NAALADL2: variants seen among roughly 807,000 people sequenced by gnomAD.
NAALADL2 encodes inactive N-acetylated-alpha-linked acidic dipeptidase-like protein 2.
In NAALADL2, 76 loss-of-function variants were observed where a neutral mutation model predicts 87.2. The ratio of observed to expected loss-of-function variants is 0.87; its 90% CI spans 0.72 to 1.05. The LOEUF is 1.05. Ranked by LOEUF, NAALADL2 falls within the 50% of genes least tolerant of loss-of-function variation. The pLI is 0.00. For missense variants in NAALADL2, 1,089 were observed against 945.8 expected (o/e 1.15, Z -1.99); for synonymous variants, 354 against 331.0 (o/e 1.07, Z -0.75).
At chr3:174,870,827 TTATTCACAGTCCC>T in intron 1 of NAALADL2, among the ~76,000 whole-genome samples, 1 of 152,292 alleles carries the variant, frequency 6.6e-6, no homozygotes, top group Admixed American at 6.5e-5. Flanking sequence ...AAATAATATT[TTATTCACAGTCCC>T]TTTTATAGCT....
intron 1 of NAALADL2, among the ~76,000 whole-genome samples, chr3:174,497,445 A>G (rs2108361664): frequency 1.3e-5 from 2 of 150,364 alleles, no homozygotes; most frequent in African/African-American, 4.9e-5. Flanking sequence ...CCTGGGCAAC[A>G]TAGCAAGATA....
At chr3:174,711,117 G>A (rs1285781408) in intron 2 of NAALADL2, among the ~76,000 whole-genome samples, 1 of 152,106 alleles carries the variant, frequency 6.6e-6, no homozygotes, top group African/African-American at 2.4e-5. Flanking sequence ...GGGAAAACTG[G>A]CTGTAGGAAC....
At chr3:175,021,091 G>C (rs2108862803) in intron 1 of NAALADL2, among the ~76,000 whole-genome samples, 1 of 152,124 alleles carries the variant, frequency 6.6e-6, no homozygotes. Context: ...GATTATTGGT[G>C]GGAGGATGGT....
At chr3:175,788,026 C>G (rs867072831) in intron 13 of NAALADL2, among the ~76,000 whole-genome samples, 2 of 150,964 alleles carry the variant, frequency 1.3e-5, no homozygotes, top group African/African-American at 4.9e-5. Context: ...AACAGAGAAA[C>G]TTCCAGTCCT....
chr3:175,798,070 A>G (rs1753723431), intron 13 of NAALADL2, among the ~76,000 whole-genome samples: 2 of 152,200 alleles, frequency 1.3e-5, no homozygotes, highest in South Asian at 4.1e-4. Flanking sequence ...TTATGTAAGC[A>G]GGAAGCTAAG....
chr3:175,801,747 G>A lies in NAALADL2; in HGVS notation c.2190-1258G>A, dbSNP rs960250037. ...CTGTTTGCCTCCCTTATTAGACCAC[G>A]AGATTTCAGCTAGTTTGGGTTCGAA... is the stretch of plus-strand genomic sequence containing the variant. On this transcript the variant is annotated intron_variant, in intron 13 of 13. Transcript: ENST00000454872. Among the ~76,000 whole-genome samples the A allele has an allele frequency of 6.6e-5, 10 of 152,016 alleles. No individual in the cohort carries two copies. In the East Asian group the frequency reaches 7.7e-4, roughly 12 times the overall value.
rs574754863 is a variant in NAALADL2, at chr3:174,794,946, T to C, written c.-9+57200T>C. ...ATCAAGTTTTTATGACACTAAAGGGTGTGTTTAATTTAAAAGTTGAAACTT... is the reference window on the plus strand; with the variant it reads ...ATCAAGTTTTTATGACACTAAAGGGCGTGTTTAATTTAAAAGTTGAAACTT... On this transcript the variant is annotated intron_variant, in intron 3 of 3. Transcript: ENST00000434257. Among the ~76,000 whole-genome samples, 6 of 149,934 alleles carry C rather than the reference T, an allele frequency of 4.0e-5. No homozygotes were observed. The South Asian group carries it at 1.3e-3, about 32-fold the overall frequency.
At chr3:175,289,094 GTTATC>G (rs771964096) in intron 4 of NAALADL2, among the ~76,000 whole-genome samples, 3 of 151,808 alleles carry the variant, frequency 2.0e-5, no homozygotes, top group African/African-American at 4.8e-5. Context: ...AATTTGAGCT[GTTATC>G]TTAAATATTA....
chr3:175,091,766 G>A (rs940810278), intron 1 of NAALADL2, among the ~76,000 whole-genome samples: 37 of 152,010 alleles, frequency 2.4e-4, no homozygotes, highest in Middle Eastern at 6.8e-3. Flanking sequence ...CAAAAATCAC[G>A]CTGTAATAAG....
At chr3:175,315,267 GA>G (rs1373254686) in intron 4 of NAALADL2, among the ~76,000 whole-genome samples, 1 of 152,090 alleles carries the variant, frequency 6.6e-6, no homozygotes, top group Non-Finnish European at 1.5e-5. Context: ...TGAAAACTTG[GA>G]CAAGGATTAC....
At chr3:175,424,042 C>G (rs527898821) in intron 5 of NAALADL2, among the ~76,000 whole-genome samples, 34 of 152,240 alleles carry the variant, frequency 2.2e-4, no homozygotes, top group African/African-American at 5.8e-4. Context: ...TTTCATGTGC[C>G]TTTTGGCTGC....
At chr3:174,943,482 T>C (rs1041557872) in intron 1 of NAALADL2, among the ~76,000 whole-genome samples, 1 of 152,320 alleles carries the variant, frequency 6.6e-6, no homozygotes, top group Admixed American at 6.5e-5. Context: ...GAATGCTGGC[T>C]GTGAATCATG....
intron 1 of NAALADL2, among the ~76,000 whole-genome samples, chr3:174,861,395 A>C (rs1726480574): frequency 1.3e-5 from 2 of 152,068 alleles, no homozygotes; most frequent in Admixed American, 1.3e-4. Context: ...TACCCTGTCC[A>C]AAATCTGAAA....
chr3:175,110,447 G>A lies in NAALADL2; in HGVS notation c.545+13156G>A, dbSNP rs78008245. Among the ~76,000 whole-genome samples, 308 of 151,784 alleles carry A rather than the reference G, an allele frequency of 2.0e-3. 3 individuals are homozygous for A. Among genetic ancestry groups the A allele is most frequent in the African/African-American group, 7.1e-3 (293 of 41,452 alleles). On this transcript the variant is annotated intron_variant, in intron 2 of 13. Transcript: ENST00000454872. Reference sequence around the variant, plus strand: ...ATTTATACTGCAATTTCAGCCCTTCGTATGTATAGGGACAGGGTTTTGGGA... The same window carrying A: ...ATTTATACTGCAATTTCAGCCCTTCATATGTATAGGGACAGGGTTTTGGGA...
intron 10 of NAALADL2, among the ~76,000 whole-genome samples, chr3:175,602,114 T>A (rs1489789507): frequency 2.6e-5 from 4 of 152,118 alleles, no homozygotes; most frequent in Non-Finnish European, 5.9e-5. Context: ...CCTATAAGCA[T>A]CTCTTCAAAA....
rs189507870 is a variant in NAALADL2, at chr3:175,137,955, A to G, written c.545+40664A>G. 2.0e-4 allele frequency among the ~76,000 whole-genome samples: 30 copies of G among 152,212 alleles called. No homozygotes were observed. The East Asian group carries it at 4.1e-3, about 21-fold the overall frequency. On this transcript the variant is annotated intron_variant, in intron 2 of 13. Coordinates refer to ENST00000454872, the MANE Select transcript of NAALADL2 (RefSeq NM_207015.3). ...GACCCAATTTTTAACTCTCCTGATA[A>G]TAATAATGTCAAACACCATCTTCCA...
chr3:174,759,279 T>C (rs982838948), intron 3 of NAALADL2, among the ~76,000 whole-genome samples: 2 of 152,196 alleles, frequency 1.3e-5, no homozygotes, highest in African/African-American at 4.8e-5. Flanking sequence ...TGGATTTGCT[T>C]TTAGATAGGA....
At chr3:174,822,660 C>T (rs1200752182) in intron 3 of NAALADL2, among the ~76,000 whole-genome samples, 1 of 152,178 alleles carries the variant, frequency 6.6e-6, no homozygotes, top group East Asian at 1.9e-4. Context: ...ATAGATATAT[C>T]ACCTATGCTA....
chr3:174,755,401 C>A (rs1711911716), intron 3 of NAALADL2, among the ~76,000 whole-genome samples: 2 of 152,110 alleles, frequency 1.3e-5, no homozygotes, highest in Non-Finnish European at 2.9e-5. Context: ...AAGTATGTGG[C>A]TAATGAATGT....
Sources: allele counts gnomAD v4.1 joint callset (sites outside exome capture counted in the v4.1 genomes callset), GRCh38; gene constraint gnomAD v4.1.1; transcripts MANE v1.5; gene names NCBI Gene and HGNC (gene_info 2026-07-23, HGNC 2026-07-21).